Variants in PTPRT observed in about 807,000 individuals in gnomAD.
PTPRT encodes the protein protein tyrosine phosphatase receptor type T.
Under a neutral mutation model 176.8 loss-of-function variants are expected in PTPRT, and 56 were observed. That is an observed-to-expected ratio of 0.32 (90% CI 0.26 to 0.40). The LOEUF is 0.40. Ranked by LOEUF, PTPRT falls within the 10% of genes least tolerant of loss-of-function variation. The probability of loss-of-function intolerance (pLI) is 1.00; values close to 1 mark genes in which losing one functional copy is unlikely to be tolerated. For missense variants in PTPRT, 1,540 were observed against 1,908.2 expected, an observed-to-expected ratio of 0.81 and a Z score of 3.60; for synonymous variants, 783 against 739.0, an observed-to-expected ratio of 1.06 and a Z score of -0.96.
intron 1 of PTPRT, among the ~76,000 whole-genome samples, chr20:43,151,551 G>T (rs1236442679): frequency 1.3e-5 from 2 of 151,750 alleles, no homozygotes; most frequent in East Asian, 2.0e-4. Flanking sequence ...CCCTCCATAG[G>T]TACATCAAAA....
chr20:42,797,305 G>A (rs191235117), intron 2 of PTPRT, among the ~76,000 whole-genome samples: 84 of 152,232 alleles, frequency 5.5e-4, no homozygotes, highest in Non-Finnish European at 1.0e-3. Flanking sequence ...ATTTTGCAAC[G>A]ACTTCCTAAG....
intron 7 of PTPRT, among the ~76,000 whole-genome samples, chr20:42,512,670 G>A (rs752802775): frequency 1.3e-5 from 2 of 152,128 alleles, no homozygotes; most frequent in African/African-American, 2.4e-5. Flanking sequence ...CAAGTAGTAC[G>A]TGTTTAATTT....
intron 2 of PTPRT, among the ~76,000 whole-genome samples, chr20:42,824,625 T>C (rs937401832): frequency 5.9e-5 from 9 of 152,046 alleles, no homozygotes; most frequent in African/African-American, 2.2e-4. Flanking sequence ...ATTAACTAGC[T>C]AATTAATTAA....
rs374279349 is a variant in PTPRT at position 43,036,669 on chromosome 20, T to C, written c.89-150737A>G. Among the ~76,000 whole-genome samples, 83 of 152,194 alleles carry C rather than the reference T, an allele frequency of 5.5e-4. 1 individual carries two copies. In the Middle Eastern group the frequency reaches 0.014, roughly 25 times the overall value. ...AAAGGTTAGATATTTAAAAACTCAATCCCACTCAAAAACCTTAAAACAATA... is the reference window on the plus strand; with the variant it reads ...AAAGGTTAGATATTTAAAAACTCAACCCCACTCAAAAACCTTAAAACAATA... On this transcript the variant is annotated intron_variant, in intron 1 of 30. Transcript: ENST00000373187.
chr20:43,105,027 G>C (rs1442699707), intron 1 of PTPRT, among the ~76,000 whole-genome samples: 4 of 152,092 alleles, frequency 2.6e-5, no homozygotes, highest in African/African-American at 9.7e-5. Flanking sequence ...CTCTTACCAA[G>C]AAGAAAAGCA....
At chr20:42,953,699 G>A (rs1350045201) in intron 1 of PTPRT, among the ~76,000 whole-genome samples, 1 of 152,178 alleles carries the variant, frequency 6.6e-6, no homozygotes, top group African/African-American at 2.4e-5. Context: ...TTTATGTAAA[G>A]GCAGCAGAAT....
intron 7 of PTPRT, among the ~76,000 whole-genome samples, chr20:42,506,724 GA>G (rs200344520): frequency 2.0e-5 from 3 of 151,562 alleles, no homozygotes; most frequent in Admixed American, 1.3e-4. Context: ...TTATTTATGT[GA>G]AAAAAAACAC....
intron 1 of PTPRT, among the ~76,000 whole-genome samples, chr20:42,943,602 A>C (rs1010289982): frequency 2.0e-5 from 3 of 152,168 alleles, no homozygotes; most frequent in African/African-American, 7.2e-5. Flanking sequence ...CACAGCCTCC[A>C]ACTCAGCCTG....
the PTPRT span, among the ~76,000 whole-genome samples, chr20:42,033,523 C>A: frequency 6.6e-6 from 1 of 152,048 alleles, no homozygotes; most frequent in Non-Finnish European, 1.5e-5. Context: ...TGAGGTGGAT[C>A]CTCCCTCTCA....
intron 9 of PTPRT, among the ~76,000 whole-genome samples, chr20:42,366,600 C>G (rs1181820512): frequency 6.6e-6 from 1 of 152,204 alleles, no homozygotes; most frequent in Non-Finnish European, 1.5e-5. Flanking sequence ...CAAGCAATGC[C>G]AGGGGCCATC....
chr20:42,150,241 G>A (rs4482556), intron 17 of PTPRT, among the ~76,000 whole-genome samples: 20,508 of 152,146 alleles, frequency 0.13, 3,560 homozygotes, highest in African/African-American at 0.41. Flanking sequence ...GGCTGAGGGC[G>A]TGTCAGCCCA....
intron 7 of PTPRT, among the ~76,000 whole-genome samples, chr20:42,496,780 TG>T (rs1331016272): frequency 6.6e-6 from 1 of 152,160 alleles, no homozygotes; most frequent in Admixed American, 6.6e-5. Context: ...GCAGTTTTCA[TG>T]GTTTTTTGTA....
chr20:42,122,104 C>T (rs1176891762), intron 19 of PTPRT, among the ~76,000 whole-genome samples: 6 of 152,114 alleles, frequency 3.9e-5, no homozygotes, highest in African/African-American at 1.4e-4. Context: ...ACACTAAAAG[C>T]CTATACTTCA....
intron 7 of PTPRT, among the ~76,000 whole-genome samples, chr20:42,588,900 T>C (rs1459480943): frequency 3.3e-5 from 5 of 152,178 alleles, no homozygotes; most frequent in East Asian, 1.9e-4. Flanking sequence ...GTCCCCATTA[T>C]TGAGATGGCA....
intron 7 of PTPRT, among the ~76,000 whole-genome samples, chr20:42,620,929 C>G (rs186688707): frequency 1.3e-5 from 2 of 152,184 alleles, no homozygotes; most frequent in African/African-American, 4.8e-5. Flanking sequence ...GAGCTGTAGA[C>G]CGGAGGTGTT....
intron 19 of PTPRT, among the ~76,000 whole-genome samples, chr20:42,123,697 T>C (rs1163873662): frequency 6.6e-6 from 1 of 152,194 alleles, no homozygotes; most frequent in East Asian, 1.9e-4. Context: ...CCAGAGGCCT[T>C]AGCACTGGCC....
intron 6 of PTPRT, chr20:42,687,916 T>C (rs764056832): frequency 6.6e-6 from 1 of 152,252 alleles, no homozygotes. Flanking sequence ...GGGATTTACA[T>C]ACAAATTCAT....
chr20:43,097,159 G>C (rs2012205605), intron 1 of PTPRT, among the ~76,000 whole-genome samples: 1 of 152,188 alleles, frequency 6.6e-6, no homozygotes, highest in Non-Finnish European at 1.5e-5. Flanking sequence ...TGCACAGTAA[G>C]GGAGCCAGGA....
intron 7 of PTPRT, among the ~76,000 whole-genome samples, chr20:42,548,033 G>A (rs1431875098): frequency 6.6e-6 from 1 of 151,880 alleles, no homozygotes; most frequent in Non-Finnish European, 1.5e-5. Context: ...AGACCTATAT[G>A]AAGACAACTT....
Sources: allele counts gnomAD v4.1 joint callset (sites outside exome capture counted in the v4.1 genomes callset), GRCh38; gene constraint gnomAD v4.1.1; transcripts MANE v1.5; gene names NCBI Gene and HGNC (gene_info 2026-07-23, HGNC 2026-07-21).